The following CACNA2D2 variants were observed in gnomAD, a reference collection of about 807,000 sequenced individuals.
CACNA2D2 encodes calcium voltage-gated channel auxiliary subunit alpha2delta 2.
A neutral mutation model predicts 166.4 loss-of-function variants in CACNA2D2; 48 were observed. That is an observed-to-expected ratio of 0.29 (90% CI 0.23 to 0.37). The LOEUF (loss-of-function observed/expected upper bound fraction) is 0.37. CACNA2D2 is among the 10% of genes least tolerant of loss of function. The pLI, the probability that CACNA2D2 is intolerant of heterozygous loss-of-function variation, is 1.00. For synonymous variants in CACNA2D2, 561 were observed against 573.7 expected (o/e 0.98, Z 0.32); for missense variants, 1,122 against 1,433.0 (o/e 0.78, Z 3.50).
intron 2 of CACNA2D2, among the ~76,000 whole-genome samples, chr3:50,455,552 A>C (rs1371654219): frequency 6.6e-6 from 1 of 152,188 alleles, no homozygotes; most frequent in East Asian, 1.9e-4. Context: ...TAGAAAATAA[A>C]TTACTTTTTT....
At chr3:50,446,108 G>C (rs1226817430) in intron 2 of CACNA2D2, among the ~76,000 whole-genome samples, 2 of 152,230 alleles carry the variant, frequency 1.3e-5, no homozygotes, top group African/African-American at 4.8e-5. Context: ...CCCTTAGCCT[G>C]AACAGCCATG....
chr3:50,475,356 C>A (rs1368832605), intron 2 of CACNA2D2, among the ~76,000 whole-genome samples: 5 of 152,114 alleles, frequency 3.3e-5, no homozygotes, highest in African/African-American at 1.2e-4. Flanking sequence ...CCATTTAATC[C>A]CCTGCTCAGT....
intron 2 of CACNA2D2, among the ~76,000 whole-genome samples, chr3:50,473,391 G>A (rs1710180906): frequency 6.6e-6 from 1 of 152,250 alleles, no homozygotes; most frequent in South Asian, 2.1e-4. Context: ...CCTCTAGGAT[G>A]GAGGCACGCA....
intron 1 of CACNA2D2, among the ~76,000 whole-genome samples, chr3:50,502,382 C>G (rs1273453822): frequency 6.6e-6 from 1 of 152,234 alleles, no homozygotes; most frequent in African/African-American, 2.4e-5. Flanking sequence ...AGGCCACATG[C>G]ACTGAACATC....
chr3:50,453,610 C>T (rs1046241672), intron 2 of CACNA2D2, among the ~76,000 whole-genome samples: 9 of 152,200 alleles, frequency 5.9e-5, no homozygotes, highest in African/African-American at 9.7e-5. Context: ...GCAACTGGCC[C>T]GTCCAGCGTC....
intron 22 of CACNA2D2, 138 bp from the exon 23 acceptor site, chr3:50,370,518 A>G (rs1392821226): frequency 3.1e-6 from 2 of 650,512 alleles, no homozygotes; most frequent in Non-Finnish European, 5.6e-6. Flanking sequence ...GAAACCCGCC[A>G]TTTCCACGTC....
chr3:50,384,477 C>G (rs1705491737), intron 5 of CACNA2D2, 140 bp from the exon 6 acceptor site: 2 of 1,012,384 alleles, frequency 2.0e-6, no homozygotes, highest in South Asian at 3.1e-5. Flanking sequence ...CAGTAGGAGA[C>G]ACAGATGGAG....
At chr3:50,383,678 G>C (rs1174501485) in intron 6 of CACNA2D2, among the ~76,000 whole-genome samples, 1 of 152,160 alleles carries the variant, frequency 6.6e-6, no homozygotes. Flanking sequence ...GCTCTGGGCA[G>C]GAAAACTCCC....
intron 2 of CACNA2D2, among the ~76,000 whole-genome samples, chr3:50,460,647 G>A (rs1328622435): frequency 6.6e-6 from 1 of 152,052 alleles, no homozygotes; most frequent in Non-Finnish European, 1.5e-5. Flanking sequence ...AAGGTCAGGA[G>A]ATCGAGACCA....
chr3:50,390,665 T>C (rs919657079), intron 4 of CACNA2D2, among the ~76,000 whole-genome samples: 2 of 152,066 alleles, frequency 1.3e-5, no homozygotes, highest in East Asian at 1.9e-4. Flanking sequence ...TGCCCTCCCA[T>C]GTGGACTTGG....
intron 3 of CACNA2D2, among the ~76,000 whole-genome samples, chr3:50,398,479 A>G (rs1706269064): frequency 6.6e-6 from 1 of 152,144 alleles, no homozygotes; most frequent in African/African-American, 2.4e-5. Context: ...CCCTGGGCAT[A>G]CAGTAGATGC....
At chr3:50,416,851 C>T (rs903909108) in intron 3 of CACNA2D2, among the ~76,000 whole-genome samples, 1 of 152,230 alleles carries the variant, frequency 6.6e-6, no homozygotes, top group African/African-American at 2.4e-5. Context: ...TAGGGCTGCA[C>T]ACCAGGAGTG....
At chr3:50,409,933 T>C (rs1027077828) in intron 3 of CACNA2D2, among the ~76,000 whole-genome samples, 2 of 152,232 alleles carry the variant, frequency 1.3e-5, no homozygotes, top group African/African-American at 4.8e-5. Flanking sequence ...TGTCTTCCCA[T>C]GTGGCCTTGG....
chr3:50,397,392 G>A (rs954607035), intron 3 of CACNA2D2, among the ~76,000 whole-genome samples: 17 of 152,328 alleles, frequency 1.1e-4, no homozygotes, highest in African/African-American at 3.8e-4. Context: ...GCAGCTGGTG[G>A]GGTGCAGTGG....
At chr3:50,388,044 G>A (rs1366016233) in intron 4 of CACNA2D2, among the ~76,000 whole-genome samples, 1 of 152,178 alleles carries the variant, frequency 6.6e-6, no homozygotes, top group African/African-American at 2.4e-5. Flanking sequence ...TGCTCATTAC[G>A]GGCATGTACT....
At chr3:50,398,261 C>T (rs1471884571) in intron 3 of CACNA2D2, among the ~76,000 whole-genome samples, 3 of 152,090 alleles carry the variant, frequency 2.0e-5, no homozygotes, top group Non-Finnish European at 4.4e-5. Context: ...CTGGGCTCTG[C>T]TCCTGGAGGT....
intron 3 of CACNA2D2, among the ~76,000 whole-genome samples, chr3:50,404,120 G>C (rs1008719059): frequency 6.6e-6 from 1 of 152,178 alleles, no homozygotes; most frequent in Non-Finnish European, 1.5e-5. Context: ...TGGAGGCCCT[G>C]GGTTTCATTG....
In CACNA2D2 at chr3:50,365,858, G is replaced by C; in HGVS notation, c.2867C>G (p.Thr956Ser). The C allele has an allele frequency of 1.2e-6, 2 of 1,613,196 alleles. No homozygotes were observed. Among genetic ancestry groups the C allele is most frequent in the South Asian group, 1.1e-5 (1 of 91,076 alleles). Reference sequence around the variant, plus strand: ...GGCCAGGTTAAGGAAATCTGCAACGGTGGGCTGCAGTGGAGAGAGGGGCGT... The same window carrying C: ...GGCCAGGTTAAGGAAATCTGCAACGCTGGGCTGCAGTGGAGAGAGGGGCGT... The part of the protein sequence containing the change: ...GAAPRGVFVP[T>S]VADFLNLAWW... The change falls in exon 33 of 38, where the codon ACC (threonine) becomes AGC (serine). Residue 956 changes from threonine (T) to serine (S), a missense_variant. Thr to Ser is a moderately conservative substitution (Grantham distance 58, BLOSUM62 1). Around this residue, in one of 2 missense-constraint regions of CACNA2D2, gnomAD observed 282 missense variants for 266.2 expected, o/e 1.06. Transcript: ENST00000424201. The surrounding 1 kb of genome is among the most constrained non-coding windows in gnomAD (Gnocchi z 4.5).
chr3:50,413,770 T>C (rs1037971152), intron 3 of CACNA2D2, among the ~76,000 whole-genome samples: 1 of 151,978 alleles, frequency 6.6e-6, no homozygotes. Flanking sequence ...TCACTTGACT[T>C]TGGGAGGCAG....
Sources: gnomAD v4.1 joint callset for allele counts (sites outside exome capture counted in the v4.1 genomes callset) on GRCh38, gnomAD v4.1.1 for gene constraint, gnomAD v4.1.1 regional missense constraint, Gnocchi (gnomAD v3.1) non-coding constraint, MANE v1.5 for transcripts, NCBI Gene and HGNC (gene_info 2026-07-23, HGNC 2026-07-21) for gene names.